CACNA1D: variants seen among roughly 807,000 people sequenced by gnomAD.
CACNA1D encodes calcium voltage-gated channel subunit alpha1 D.
A neutral mutation model predicts 257.1 loss-of-function variants in CACNA1D; 55 were observed. The ratio of observed to expected loss-of-function variants is 0.21; its 90% CI spans 0.17 to 0.27. The LOEUF (loss-of-function observed/expected upper bound fraction) is 0.27. CACNA1D is among the 10% of genes least tolerant of loss of function. The pLI, the probability that CACNA1D is intolerant of heterozygous loss-of-function variation, is 1.00. For missense variants in CACNA1D, 1,876 were observed against 2,784.0 expected (o/e 0.67, Z 7.34); for synonymous variants, 980 against 1,014.9 (o/e 0.97, Z 0.65).
At chr3:53,615,899 C>G (rs928143280) in intron 3 of CACNA1D, among the ~76,000 whole-genome samples, 2 of 152,156 alleles carry the variant, frequency 1.3e-5, no homozygotes, top group Non-Finnish European at 2.9e-5. Flanking sequence ...GACACTGTAT[C>G]GATAGCAGGT....
intron 3 of CACNA1D, among the ~76,000 whole-genome samples, chr3:53,513,567 G>A (rs1300040733): frequency 1.3e-5 from 2 of 152,220 alleles, no homozygotes; most frequent in Non-Finnish European, 2.9e-5. Context: ...CTGGGTGATG[G>A]AGATTGCAGT....
intron 3 of CACNA1D, among the ~76,000 whole-genome samples, chr3:53,511,528 T>C (rs1416591256): frequency 6.6e-6 from 1 of 152,162 alleles, no homozygotes; most frequent in Non-Finnish European, 1.5e-5. Context: ...TTCGCCGTGC[T>C]TTTGTCGGGG....
At chr3:53,740,186 T>G (rs1424927806) in intron 20 of CACNA1D, 94 bp from the exon 21 acceptor site, 1 of 902,272 alleles carries the variant, frequency 1.1e-6, no homozygotes, top group Non-Finnish European at 1.9e-6. Context: ...GAGGGATGGG[T>G]CTCTGACTGG....
At chr3:53,768,670 C>T (rs1170388368) in intron 30 of CACNA1D, among the ~76,000 whole-genome samples, 2 of 152,186 alleles carry the variant, frequency 1.3e-5, no homozygotes, top group Non-Finnish European at 2.9e-5. Context: ...TCTGTCAGAA[C>T]CTGTTCCTCT....
chr3:53,610,671 T>C (rs567770930), intron 3 of CACNA1D, among the ~76,000 whole-genome samples: 62 of 152,328 alleles, frequency 4.1e-4, no homozygotes, highest in African/African-American at 1.4e-3. Flanking sequence ...TGGTACTTAT[T>C]TTCTATTTTT....
At chr3:53,805,555 G>T (rs941191356) in intron 45 of CACNA1D, among the ~76,000 whole-genome samples, 1 of 152,186 alleles carries the variant, frequency 6.6e-6, no homozygotes, top group Admixed American at 6.5e-5. Flanking sequence ...AAGGGGAAGA[G>T]TGGGCTCAAG....
chr3:53,780,745 G>A (rs908159745), intron 38 of CACNA1D, among the ~76,000 whole-genome samples: 1 of 152,352 alleles, frequency 6.6e-6, no homozygotes, highest in South Asian at 2.1e-4. Flanking sequence ...TGGCTCAGTG[G>A]TGACTTCAGA....
intron 27 of CACNA1D, among the ~76,000 whole-genome samples, chr3:53,750,247 G>A (rs2095213743): frequency 6.6e-6 from 1 of 152,200 alleles, no homozygotes; most frequent in Non-Finnish European, 1.5e-5. Flanking sequence ...CCTGCACTGT[G>A]ACCCTAGGTG....
Position 53,813,590 on chromosome 3 carries a change from T to C in CACNA1D, c.*2184T>C, listed in dbSNP as rs1211840907. 6.6e-6 allele frequency: 1 copy of C among 152,234 alleles called. No homozygotes were observed. The highest frequency in any genetic ancestry group is 6.5e-5 in the Admixed American group (1 of 15,284). 9.4% of individuals were successfully genotyped at this position (152,234 alleles called of 1,614,324 possible). A position where few individuals can be genotyped will look rare whatever the true frequency, so the allele number is the denominator to read the frequency against. ...GGCCAAAATTGCCAGACCAGGACCC[T>C]AAGTGTCTGATAGAGGCGATGATCT... is the stretch of plus-strand genomic sequence containing the variant. On this transcript the variant is annotated 3_prime_UTR_variant, in exon 48 of 48. Transcript: ENST00000350061.
chr3:53,672,538 A>G (rs2094332847), intron 7 of CACNA1D, among the ~76,000 whole-genome samples: 1 of 152,200 alleles, frequency 6.6e-6, no homozygotes, highest in African/African-American at 2.4e-5. Flanking sequence ...TGTCTCTATA[A>G]TTAAGACTTT....
At chr3:53,732,705 C>T in intron 18 of CACNA1D, 110 bp from the exon 19 acceptor site, 2 of 951,378 alleles carry the variant, frequency 2.1e-6, no homozygotes, top group South Asian at 1.3e-5. Flanking sequence ...TTCATGTAAG[C>T]AGGTAGATGT....
intron 4 of CACNA1D, among the ~76,000 whole-genome samples, chr3:53,659,873 C>A (rs1031103135): frequency 6.6e-6 from 1 of 152,178 alleles, no homozygotes; most frequent in Admixed American, 6.5e-5. Flanking sequence ...CCCAGGGAGT[C>A]CCCTCTTCTT....
At chr3:53,732,203 C>A in intron 18 of CACNA1D, 121 bp downstream of exon 18, 1 of 764,880 alleles carries the variant, frequency 1.3e-6, no homozygotes, top group Non-Finnish European at 2.4e-6. Context: ...CTGAGGCCAC[C>A]AAGGCCGTGG....
In CACNA1D at chr3:53,801,407, G is replaced by A; in HGVS notation, c.5390G>A (p.Arg1797Lys). 1 of 1,614,132 alleles carries A rather than the reference G, an allele frequency of 6.2e-7. No homozygotes were observed. The highest frequency in any genetic ancestry group is 8.5e-7 in the Non-Finnish European group (1 of 1,180,042). ...SSHKHDREPQRRSSVKRTRYY... is the reference protein window; with the variant it reads ...SSHKHDREPQKRSSVKRTRYY... ...CACAAGCATGACCGGGAGCCTCAGA[G>A]AAGGTCCAGTGTGAAAAGGTAACCT... The change falls in exon 42 of 48, where the codon AGA (arginine) becomes AAA (lysine). Residue 1797 changes from arginine (R) to lysine (K), a missense_variant. Around this residue, in one of 10 missense-constraint regions of CACNA1D, gnomAD observed 491 missense variants for 554.3 expected, o/e 0.89. Transcript: ENST00000350061.
At chr3:53,749,073 CCCCCT>C (rs769882610) in intron 26 of CACNA1D, 190 bp from the exon 27 acceptor site, 20 of 697,700 alleles carry the variant, frequency 2.9e-5, no homozygotes, top group South Asian at 2.3e-4. Flanking sequence ...ATCCTGGGTG[CCCCCT>C]CCTCTTAGTG....
intron 3 of CACNA1D, among the ~76,000 whole-genome samples, chr3:53,531,216 A>G (rs2091939554): frequency 6.6e-6 from 1 of 151,928 alleles, no homozygotes; most frequent in Non-Finnish European, 1.5e-5. Context: ...TAACTAACTA[A>G]TCAAGCTCCC....
Position 53,718,341 on chromosome 3 carries a change from G to A in CACNA1D, c.1431G>A (p.Glu477=), listed in dbSNP as rs760909552. ...GCGAGACTGAGTCTGTGAACACAGA[G>A]AACGTCAGCGGTGAAGGCGAGAACC... ...PTSETESVNT[E]NVSGEGENRG... The change falls in exon 10 of 48, where the codon GAG becomes GAA. Residue 477 remains glutamate, a synonymous_variant. Coordinates refer to ENST00000350061, the MANE Select transcript of CACNA1D (RefSeq NM_001128840.3). 6.2e-7 allele frequency: 1 copy of A among 1,614,218 alleles called. No homozygotes were observed. The highest frequency in any genetic ancestry group is 8.5e-7 in the Non-Finnish European group (1 of 1,180,038).
At position 53,786,839 on chromosome 3, in the gene CACNA1D, G is replaced by A; in HGVS notation, c.4810G>A (p.Gly1604Arg). 1 of 1,613,550 alleles carries A rather than the reference G, an allele frequency of 6.2e-7. No homozygotes were observed. Among genetic ancestry groups the A allele is most frequent in the Non-Finnish European group, 8.5e-7 (1 of 1,179,672 alleles). Reference sequence around the variant, plus strand: ...CCGTTTAGATGATGAGGTAACCGTGGGGAAGTTCTATGCCACTTTCCTGAT... The same window carrying A: ...CCGTTTAGATGATGAGGTAACCGTGAGGAAGTTCTATGCCACTTTCCTGAT... ...PPAGDDEVTV[G>R]KFYATFLIQD... The change falls in exon 40 of 48, where the codon GGG (glycine) becomes AGG (arginine). Residue 1604 changes from glycine to arginine, a missense_variant. By Grantham distance (125) the Gly-to-Arg change is moderately radical (BLOSUM62 -2). Around this residue, in one of 10 missense-constraint regions of CACNA1D, gnomAD observed 160 missense variants for 236.6 expected, o/e 0.68. Transcript: ENST00000350061.
chr3:53,719,652 C>T lies in CACNA1D; in HGVS notation c.1479-103C>T, dbSNP rs554422345. 10 of 1,061,826 alleles carry T rather than the reference C, an allele frequency of 9.4e-6. No homozygotes were observed. The South Asian group carries it at 1.0e-4, about 11-fold the overall frequency. 65.8% of individuals were successfully genotyped at this position (1,061,826 alleles called of 1,614,324 possible). A position where few individuals can be genotyped will look rare whatever the true frequency, so the allele number is the denominator to read the frequency against. ...CTGTGGTAACCAGGGGTGCTAAGTC[C>T]AGGCTGTATGCATGGCTTTTATGAT... is the stretch of plus-strand genomic sequence containing the variant. On this transcript the variant is annotated intron_variant, in intron 10 of 47. Coordinates refer to ENST00000350061, the MANE Select transcript of CACNA1D (RefSeq NM_001128840.3).
Sources: gnomAD v4.1 joint callset for allele counts (sites outside exome capture counted in the v4.1 genomes callset) on GRCh38, gnomAD v4.1.1 for gene constraint, gnomAD v4.1.1 regional missense constraint, MANE v1.5 for transcripts, NCBI Gene and HGNC (gene_info 2026-07-23, HGNC 2026-07-21) for gene names.